The following DISP1 variants were observed in gnomAD, a reference collection of about 807,000 sequenced individuals.
DISP1 encodes the protein dispatched RND transporter family member 1.
A neutral mutation model predicts 37.3 loss-of-function variants in DISP1; 30 were observed. That is an observed-to-expected ratio of 0.80 (90% confidence interval 0.60 to 1.09). The LOEUF (loss-of-function observed/expected upper bound fraction) is 1.09, where lower values mean the gene tolerates loss of function less well. Among genes scored for constraint, DISP1 ranks in the 50% least tolerant of loss-of-function variants. The pLI is 0.00. For missense variants in DISP1, 1,598 were observed against 1,879.5 expected (o/e 0.85, Z 2.77); for synonymous variants, 634 against 690.2 (o/e 0.92, Z 1.28).
At chr1:222,936,684 A>ATTATATATC (rs1558339325) in intron 2 of DISP1, among the ~76,000 whole-genome samples, 37 of 109,738 alleles carry the variant, frequency 3.4e-4, no homozygotes, top group African/African-American at 1.1e-3. Context: ...TATAATATAT[A>ATTATATATC]AAATATATGA....
At chr1:222,999,567 A>G (rs1314683006) in intron 8 of DISP1, among the ~76,000 whole-genome samples, 6 of 152,166 alleles carry the variant, frequency 3.9e-5, no homozygotes, top group African/African-American at 1.4e-4. Flanking sequence ...AGATAATACC[A>G]TACTTCTCGC....
chr1:222,873,735 A>G (rs1669734942), intron 1 of DISP1, among the ~76,000 whole-genome samples: 1 of 152,146 alleles, frequency 6.6e-6, no homozygotes, highest in Non-Finnish European at 1.5e-5. Context: ...CCAATTTGCC[A>G]GTCTGTGCCT....
chr1:222,918,702 T>C (rs1410559552), intron 1 of DISP1, among the ~76,000 whole-genome samples: 1 of 152,214 alleles, frequency 6.6e-6, no homozygotes, highest in Admixed American at 6.5e-5. Flanking sequence ...ATCTTGAGGA[T>C]TGATTTTTTT....
At chr1:222,973,520 C>T (rs1280937156) in intron 3 of DISP1, among the ~76,000 whole-genome samples, 1 of 152,166 alleles carries the variant, frequency 6.6e-6, no homozygotes, top group Admixed American at 6.6e-5. Flanking sequence ...TGTGTACTCA[C>T]ATTGTGTAGT....
At chr1:222,954,230 G>C (rs1675435434) in intron 3 of DISP1, among the ~76,000 whole-genome samples, 1 of 152,062 alleles carries the variant, frequency 6.6e-6, no homozygotes, top group African/African-American at 2.4e-5. Context: ...TAAATGGATT[G>C]TTAGGTGTAA....
At chr1:222,865,887 A>G (rs1447579502) in intron 1 of DISP1, among the ~76,000 whole-genome samples, 1 of 152,156 alleles carries the variant, frequency 6.6e-6, no homozygotes, top group Non-Finnish European at 1.5e-5. Context: ...TTAGCCAGTT[A>G]CGTTTTTGTT....
chr1:222,946,245 A>C (rs1393800414), intron 3 of DISP1, among the ~76,000 whole-genome samples: 1 of 150,440 alleles, frequency 6.6e-6, no homozygotes, highest in Non-Finnish European at 1.5e-5. Flanking sequence ...TTAGCCGGGC[A>C]TGGTGGCGGG....
chr1:222,830,466 C>T (rs1308876248), intron 1 of DISP1, among the ~76,000 whole-genome samples: 1 of 152,030 alleles, frequency 6.6e-6, no homozygotes, highest in African/African-American at 2.4e-5. Context: ...CTGCAATCTC[C>T]ACCTCCCAGG....
At chr1:222,912,852 GT>G (rs1672283367) in intron 1 of DISP1, among the ~76,000 whole-genome samples, 1 of 152,178 alleles carries the variant, frequency 6.6e-6, no homozygotes, top group Admixed American at 6.5e-5. Flanking sequence ...AAGAATGTGA[GT>G]TAGAAAAATG....
At chr1:223,002,277 T>G (rs990018811) in intron 8 of DISP1, 108 bp from the exon 9 acceptor site, 1 of 1,063,122 alleles carries the variant, frequency 9.4e-7, no homozygotes, top group African/African-American at 1.6e-5. Flanking sequence ...ATTTAGCTTT[T>G]GTAACTTTCC....
At chr1:222,946,414 C>CT (rs1674786088) in intron 3 of DISP1, among the ~76,000 whole-genome samples, 1 of 150,502 alleles carries the variant, frequency 6.6e-6, no homozygotes, top group Non-Finnish European at 1.5e-5. Flanking sequence ...GAATTTGAGC[C>CT]TTTTGGTTAT....
At chr1:222,974,082 G>C (rs374569768) in intron 3 of DISP1, among the ~76,000 whole-genome samples, 1 of 152,166 alleles carries the variant, frequency 6.6e-6, no homozygotes, top group African/African-American at 2.4e-5. Flanking sequence ...TCATAAAAGC[G>C]TACAGTGCTG....
chr1:222,877,722 A>T (rs1670044023), intron 1 of DISP1, among the ~76,000 whole-genome samples: 1 of 152,204 alleles, frequency 6.6e-6, no homozygotes, highest in South Asian at 2.1e-4. Flanking sequence ...ACCTATTATC[A>T]GTGTCTTGAA....
intron 1 of DISP1, among the ~76,000 whole-genome samples, chr1:222,885,763 T>C (rs542620464): frequency 3.5e-4 from 53 of 152,286 alleles, no homozygotes; most frequent in African/African-American, 1.3e-3. Context: ...CTCCTTGGTG[T>C]CATTGCTTCT....
chr1:223,003,568 G>C lies in DISP1; in HGVS notation c.2171G>C (p.Trp724Ser), dbSNP rs201705065. The C allele has an allele frequency of 9.3e-6, 15 of 1,614,096 alleles. No homozygotes were observed. The highest frequency in any genetic ancestry group is 1.3e-5 in the Non-Finnish European group (15 of 1,180,030). ...AAGTTTCGCTACCTTTGGCTGTTTT[G>C]GTTCCTTGCCTTAACTGTAGGTGGG... is the stretch of plus-strand genomic sequence containing the variant. ...VIKFRYLWLFWFLALTVGGAY... is the reference protein window; with the variant it reads ...VIKFRYLWLFSFLALTVGGAY... The change falls in exon 9 of 9, where the codon TGG becomes TCG. Residue 724 changes from tryptophan to serine, a missense_variant. By Grantham distance (177) the Trp-to-Ser change is radical (BLOSUM62 -3). Transcript: ENST00000675850. The surrounding 1 kb of genome is among the most constrained non-coding windows in gnomAD (Gnocchi z 4.3).
intron 5 of DISP1, 141 bp downstream of exon 5, chr1:222,990,889 C>T: frequency 8.2e-7 from 1 of 1,214,346 alleles, no homozygotes; most frequent in Non-Finnish European, 1.2e-6. Flanking sequence ...AAAGTAAAGA[C>T]ATGACTTTAT....
chr1:222,944,057 C>CA (rs1201710890), intron 3 of DISP1, among the ~76,000 whole-genome samples: 1 of 151,882 alleles, frequency 6.6e-6, no homozygotes. Context: ...ACAACAACAA[C>CA]AAAAAAACAC....
intron 3 of DISP1, among the ~76,000 whole-genome samples, chr1:222,977,833 G>T (rs1349982217): frequency 6.6e-6 from 1 of 152,074 alleles, no homozygotes; most frequent in Admixed American, 6.6e-5. Context: ...ATGGTTTCCA[G>T]CTTCATCCAT....
At position 222,890,074 on chromosome 1, in the gene DISP1, T is replaced by G. The variant is rs932632362; in HGVS notation, c.-158-38356T>G. 7.9e-5 allele frequency among the ~76,000 whole-genome samples: 12 copies of G among 152,212 alleles called. No individual in the cohort carries two copies. The South Asian group carries it at 2.5e-3, about 31-fold the overall frequency. Reference sequence around the variant, plus strand: ...TTTTTTAAAGTGATAAGCTTCCTTATAGTGAAATACTTATTAAGTAGGCTC... The same window carrying G: ...TTTTTTAAAGTGATAAGCTTCCTTAGAGTGAAATACTTATTAAGTAGGCTC... On this transcript the variant is annotated intron_variant, in intron 1 of 8. Coordinates refer to ENST00000675850, the MANE Select transcript of DISP1 (RefSeq NM_001377229.1).
Sources: allele counts gnomAD v4.1 joint callset (sites outside exome capture counted in the v4.1 genomes callset), GRCh38; gene constraint gnomAD v4.1.1; non-coding constraint Gnocchi (gnomAD v3.1); transcripts MANE v1.5; gene names NCBI Gene and HGNC (gene_info 2026-07-23, HGNC 2026-07-21).